PCCB: variants seen among roughly 807,000 people sequenced by gnomAD.
The protein encoded by PCCB is propionyl-CoA carboxylase subunit beta, also known as propionyl-CoA carboxylase beta chain, mitochondrial.
A neutral mutation model predicts 60.7 loss-of-function variants in PCCB; 43 were observed. That is an observed-to-expected ratio of 0.71 (90% confidence interval 0.55 to 0.91). PCCB has a LOEUF of 0.91. PCCB is among the 40% of genes least tolerant of loss of function. PCCB has a pLI of 0.00. For missense variants in PCCB, 766 were observed against 702.8 expected, an observed-to-expected ratio of 1.09 and a Z score of -1.02; for synonymous variants, 276 against 255.9, an observed-to-expected ratio of 1.08 and a Z score of -0.75.
intron 10 of PCCB, among the ~76,000 whole-genome samples, chr3:136,317,920 TACC>T (rs1394112476): frequency 6.6e-6 from 1 of 152,230 alleles, no homozygotes; most frequent in Non-Finnish European, 1.5e-5. Context: ...GGACTGTGAA[TACC>T]ACTTCTCTCC....
At chr3:136,315,482 G>C (rs562763294) in intron 9 of PCCB, among the ~76,000 whole-genome samples, 1 of 152,028 alleles carries the variant, frequency 6.6e-6, no homozygotes. Flanking sequence ...AGCCGAGATC[G>C]TGCCACTGCA....
chr3:136,329,897 T>C lies in PCCB; in HGVS notation c.1499-8T>C. On this transcript the variant is annotated splice_region_variant and splice_polypyrimidine_tract_variant and intron_variant, in intron 14 of 14. Transcript: ENST00000251654. Reference sequence around the variant, plus strand: ...AGATGATCCACTCCCTTTTCTGTGCTTCACCAGGGTTTGTGGATGACATCA... The same window carrying C: ...AGATGATCCACTCCCTTTTCTGTGCCTCACCAGGGTTTGTGGATGACATCA... The C allele has an allele frequency of 6.2e-7, 1 of 1,614,084 alleles. No individual in the cohort carries two copies. The highest frequency in any genetic ancestry group is 8.5e-7 in the Non-Finnish European group (1 of 1,179,954).
intron 5 of PCCB, among the ~76,000 whole-genome samples, chr3:136,264,444 A>G (rs867146648): frequency 2.9e-4 from 40 of 138,766 alleles, no homozygotes; most frequent in Admixed American, 4.2e-4. Context: ...GTGTGTGTAT[A>G]TATGTATATA....
At chr3:136,307,404 T>TGGGAGGAGAA (rs1238724499) in intron 9 of PCCB, among the ~76,000 whole-genome samples, 1 of 151,674 alleles carries the variant, frequency 6.6e-6, no homozygotes, top group African/African-American at 2.4e-5. Context: ...AACTGAAAAA[T>TGGGAGGAGAA]GGGAGGAGAA....
chr3:136,275,672 T>C (rs1201527009), intron 5 of PCCB, among the ~76,000 whole-genome samples: 1 of 152,186 alleles, frequency 6.6e-6, no homozygotes, highest in Non-Finnish European at 1.5e-5. Context: ...TAGCCTAATG[T>C]GATTCTTAAT....
Position 136,282,903 on chromosome 3 carries a change from A to C in PCCB, c.544-934A>C, listed in dbSNP as rs115343464. Among the ~76,000 whole-genome samples the C allele has an allele frequency of 6.6e-3, 1,005 of 152,214 alleles. 11 individuals are homozygous for C. Among genetic ancestry groups the C allele is most frequent in the African/African-American group, 0.023 (947 of 41,522 alleles). On this transcript the variant is annotated intron_variant, in intron 5 of 14. Transcript: ENST00000251654. Reference sequence around the variant, plus strand: ...AGTTTTTCATGAATAAACACTTCTCAATTTGTTACATTTGGCTCATTTTTA... The same window carrying C: ...AGTTTTTCATGAATAAACACTTCTCCATTTGTTACATTTGGCTCATTTTTA...
chr3:136,290,952 C>T (rs1426616148), intron 6 of PCCB, among the ~76,000 whole-genome samples: 1 of 151,926 alleles, frequency 6.6e-6, no homozygotes, highest in Admixed American at 6.6e-5. Flanking sequence ...GAGATATCCT[C>T]AAGCTCAGAG....
chr3:136,316,278 G>T (rs1161574528), intron 9 of PCCB, among the ~76,000 whole-genome samples: 6 of 151,800 alleles, frequency 4.0e-5, no homozygotes, highest in Non-Finnish European at 8.8e-5. Context: ...TGAAGAATCG[G>T]GGTGAAGGGT....
intron 8 of PCCB, among the ~76,000 whole-genome samples, chr3:136,300,713 C>A (rs991457167): frequency 2.6e-5 from 4 of 152,142 alleles, no homozygotes; most frequent in African/African-American, 9.7e-5. Flanking sequence ...CTATAATGTC[C>A]TTCAGTGCCC....
intron 5 of PCCB, among the ~76,000 whole-genome samples, chr3:136,270,443 A>G (rs1173035516): frequency 1.3e-5 from 2 of 152,134 alleles, no homozygotes; most frequent in Non-Finnish European, 1.5e-5. Flanking sequence ...TTCTGATTTC[A>G]GTAAGACAGA....
chr3:136,252,238 A>G lies in PCCB; in HGVS notation c.183+1680A>G, dbSNP rs1398839310. On this transcript the variant is annotated intron_variant, in intron 1 of 14. Coordinates refer to ENST00000251654, the MANE Select transcript of PCCB (RefSeq NM_000532.5). The stretch of plus-strand genomic sequence containing the variant: ...TTCCGTAGATTTTCCCAGAAGAGGA[A>G]TTAGTGGGTCAAAGGGTGTAAGTTT... The G allele has an allele frequency of 1.1e-5, 5 of 454,804 alleles. No individual in the cohort carries two copies. In the East Asian group the frequency reaches 3.5e-4, roughly 32 times the overall value. The allele number at this position is 454,804 out of a possible 1,614,324, so 28.2% of individuals were successfully genotyped here.
chr3:136,290,675 T>TTTTTTTTTTTG (rs1469983448), intron 6 of PCCB, among the ~76,000 whole-genome samples: 3 of 136,674 alleles, frequency 2.2e-5, no homozygotes, highest in South Asian at 2.4e-4. Flanking sequence ...TGTGTAGTTT[T>TTTTTTTTTTTG]TTTTTTTTTT....
At chr3:136,251,182 C>T (rs547711998) in intron 1 of PCCB, 57 of 456,162 alleles carry the variant, frequency 1.2e-4, no homozygotes, top group South Asian at 8.7e-4. Flanking sequence ...GCAGGCTACT[C>T]TCGATGTTTG....
chr3:136,292,877 G>T lies in PCCB; in HGVS notation c.655-879G>T, dbSNP rs1933762900. Among the ~76,000 whole-genome samples the T allele has an allele frequency of 3.3e-5, 5 of 152,096 alleles. No homozygotes were observed. In the South Asian group the frequency reaches 1.0e-3, roughly 32 times the overall value. On this transcript the variant is annotated intron_variant, in intron 6 of 14. Coordinates refer to ENST00000251654, the MANE Select transcript of PCCB (RefSeq NM_000532.5). ...GCGAATTGGAGGCCTGGAAGTAAGG[G>T]CTGGGCTGTAGACTTTCCACTGTAT...
chr3:136,277,223 A>G (rs937567775), intron 5 of PCCB, among the ~76,000 whole-genome samples: 5 of 152,194 alleles, frequency 3.3e-5, no homozygotes, highest in African/African-American at 1.2e-4. Flanking sequence ...ACGTGGACAG[A>G]TGCAGGACCT....
At chr3:136,323,974 C>T (rs1935203802) in intron 10 of PCCB, among the ~76,000 whole-genome samples, 1 of 149,592 alleles carries the variant, frequency 6.7e-6, no homozygotes, top group Admixed American at 6.7e-5. Flanking sequence ...GTCAAATTTT[C>T]CTCTTTTCCC....
chr3:136,284,942 G>A (rs1393953637), intron 6 of PCCB, among the ~76,000 whole-genome samples: 1 of 151,958 alleles, frequency 6.6e-6, no homozygotes, highest in Non-Finnish European at 1.5e-5. Context: ...ACAAAAATTA[G>A]CTGGGCGTGG....
At chr3:136,315,716 T>C (rs1934864570) in intron 9 of PCCB, among the ~76,000 whole-genome samples, 1 of 151,670 alleles carries the variant, frequency 6.6e-6, no homozygotes, top group Admixed American at 6.6e-5. Flanking sequence ...TAGTCCTAGC[T>C]ACTTGGGAGG....
chr3:136,327,782 C>A, intron 13 of PCCB, 50 bp downstream of exon 13: 1 of 1,396,758 alleles, frequency 7.2e-7, no homozygotes, highest in Non-Finnish European at 1.0e-6. Context: ...TCGACTCTAC[C>A]AGCGAGAGCT....
Sources: gnomAD v4.1 joint callset for allele counts (sites outside exome capture counted in the v4.1 genomes callset) on GRCh38, gnomAD v4.1.1 for gene constraint, MANE v1.5 for transcripts, NCBI Gene and HGNC (gene_info 2026-07-23, HGNC 2026-07-21) for gene names.